KLHL29: variants seen among roughly 807,000 people sequenced by gnomAD.
KLHL29 encodes the protein kelch like family member 29.
In KLHL29, 21 loss-of-function variants were observed where a neutral mutation model predicts 80.4. The observed-to-expected ratio is 0.26, with a 90% CI of 0.19 to 0.38. KLHL29 has a LOEUF of 0.38. KLHL29 is among the 10% of genes least tolerant of loss of function. The probability of loss-of-function intolerance (pLI) is 1.00; values close to 1 mark genes in which losing one functional copy is unlikely to be tolerated. For synonymous variants in KLHL29, 511 were observed against 526.8 expected (o/e 0.97, Z 0.41); for missense variants, 867 against 1,223.9 (o/e 0.71, Z 4.35).
At chr2:23,409,616 C>G (rs921279237) in intron 1 of KLHL29, among the ~76,000 whole-genome samples, 3 of 152,248 alleles carry the variant, frequency 2.0e-5, no homozygotes, top group Non-Finnish European at 4.4e-5. Context: ...TAAGGCAGTG[C>G]GTCTTCCCTC....
intron 3 of KLHL29, among the ~76,000 whole-genome samples, chr2:23,638,407 A>G (rs1337189599): frequency 6.7e-6 from 1 of 150,156 alleles, no homozygotes; most frequent in South Asian, 2.1e-4. Flanking sequence ...TTTCACTCTG[A>G]GGTTTATTTT....
chr2:23,548,076 G>A (rs201923703), intron 2 of KLHL29, among the ~76,000 whole-genome samples: 5 of 116 alleles, frequency 0.043, no homozygotes, highest in African/African-American at 0.11. Context: ...ATGTCAAGCC[G>A]AGGCAGGGCC....
chr2:23,705,046 A>G (rs1024959138), intron 13 of KLHL29, among the ~76,000 whole-genome samples: 17 of 152,224 alleles, frequency 1.1e-4, no homozygotes, highest in Middle Eastern at 6.3e-3. Flanking sequence ...TGTTGGACTG[A>G]GATTTCACAA....
chr2:23,599,565 CAT>C (rs1265644122), intron 3 of KLHL29, among the ~76,000 whole-genome samples: 1 of 151,006 alleles, frequency 6.6e-6, no homozygotes, highest in Non-Finnish European at 1.5e-5. Context: ...CCTTATATGA[CAT>C]GTAAATATTT....
chr2:23,489,889 G>A (rs1665045587), intron 2 of KLHL29, among the ~76,000 whole-genome samples: 1 of 152,148 alleles, frequency 6.6e-6, no homozygotes, highest in Non-Finnish European at 1.5e-5. Flanking sequence ...TGGGGAAAGA[G>A]GAAGTCCTCT....
rs146830507 is a variant in KLHL29 at position 23,478,867 on chromosome 2, G to A, written c.-46+3200G>A. Among the ~76,000 whole-genome samples the A allele has an allele frequency of 4.9e-4, 74 of 152,118 alleles. No individual in the cohort carries two copies. In the East Asian group the frequency reaches 0.012, roughly 24 times the overall value. The stretch of plus-strand genomic sequence containing the variant: ...GGTTGCAAATGTCTCCAGAGCTAAC[G>A]GCAGTTAGAGAACACCATGGGCCAT... On this transcript the variant is annotated intron_variant, in intron 2 of 13. Coordinates refer to ENST00000486442, the MANE Select transcript of KLHL29 (RefSeq NM_052920.2).
chr2:23,633,116 GCT>G (rs1347031855), intron 3 of KLHL29, among the ~76,000 whole-genome samples: 4 of 152,200 alleles, frequency 2.6e-5, no homozygotes, highest in Non-Finnish European at 5.9e-5. Context: ...CCCCAAATGG[GCT>G]GGGTGTTGTG....
chr2:23,430,982 C>T (rs1663159690), intron 1 of KLHL29, among the ~76,000 whole-genome samples: 1 of 152,186 alleles, frequency 6.6e-6, no homozygotes, highest in South Asian at 2.1e-4. Flanking sequence ...CCCAGATATC[C>T]CTACACTGAA....
At chr2:23,421,327 T>C (rs1010995013) in intron 1 of KLHL29, among the ~76,000 whole-genome samples, 1 of 152,184 alleles carries the variant, frequency 6.6e-6, no homozygotes, top group Non-Finnish European at 1.5e-5. Flanking sequence ...GATCACATGG[T>C]CAGGGCAGAG....
intron 3 of KLHL29, among the ~76,000 whole-genome samples, chr2:23,623,787 C>T (rs1309938299): frequency 6.6e-6 from 1 of 152,194 alleles, no homozygotes; most frequent in Admixed American, 6.5e-5. Flanking sequence ...ATGTGAATGT[C>T]ATCCCGGGAG....
chr2:23,642,360 G>A lies in KLHL29; in HGVS notation c.450G>A (p.Thr150=), dbSNP rs559907813. ...CAGGCACAGGGCCATGGGTGACCAC[G>A]GTGGCCGCCGGGAACCAGCCCACCC... ...DNPGTGPWVT[T]VAAGNQPTLI... is the part of the protein sequence containing the mutation. Residue 150 remains threonine, a synonymous_variant, in exon 5 of 14, where the codon ACG becomes ACA. Coordinates refer to ENST00000486442, the MANE Select transcript of KLHL29 (RefSeq NM_052920.2). The A allele has an allele frequency of 1.8e-5, 26 of 1,432,974 alleles. No homozygotes were observed. Among genetic ancestry groups the A allele is most frequent in the African/African-American group, 1.6e-4 (11 of 69,584 alleles). The allele number at this position is 1,432,974 out of a possible 1,614,324, so 88.8% of individuals were successfully genotyped here.
chr2:23,621,549 G>A (rs1669183474), intron 3 of KLHL29, among the ~76,000 whole-genome samples: 1 of 151,894 alleles, frequency 6.6e-6, no homozygotes, highest in African/African-American at 2.4e-5. Context: ...GAGGAGATGA[G>A]GGGGAGGGGA....
chr2:23,637,858 G>T (rs1669658818), intron 3 of KLHL29, among the ~76,000 whole-genome samples: 1 of 151,938 alleles, frequency 6.6e-6, no homozygotes, highest in African/African-American at 2.4e-5. Flanking sequence ...GCCTGCAGAT[G>T]CCCCGGAGGC....
chr2:23,666,178 A>T (rs1204166236), intron 5 of KLHL29, among the ~76,000 whole-genome samples: 5 of 152,246 alleles, frequency 3.3e-5, no homozygotes, highest in African/African-American at 1.2e-4. Context: ...CAGGGGGCTC[A>T]TATTTGAGCT....
chr2:23,685,681 T>G (rs1435660542), intron 6 of KLHL29, among the ~76,000 whole-genome samples: 2 of 152,168 alleles, frequency 1.3e-5, no homozygotes, highest in Non-Finnish European at 2.9e-5. Context: ...TCCCATCTCA[T>G]GGACACCTCA....
chr2:23,441,406 C>T (rs930662376), intron 1 of KLHL29, among the ~76,000 whole-genome samples: 7 of 151,430 alleles, frequency 4.6e-5, no homozygotes, highest in Admixed American at 3.3e-4. Flanking sequence ...GTGCAGCACA[C>T]CAGCATGGCA....
At chr2:23,397,030 C>T (rs1436670415) in intron 1 of KLHL29, among the ~76,000 whole-genome samples, 2 of 152,118 alleles carry the variant, frequency 1.3e-5, no homozygotes, top group Non-Finnish European at 2.9e-5. Context: ...ACAAGGTCTG[C>T]TCTAGTGGCC....
At chr2:23,666,628 T>C (rs1410182946) in intron 5 of KLHL29, among the ~76,000 whole-genome samples, 3 of 152,214 alleles carry the variant, frequency 2.0e-5, no homozygotes, top group South Asian at 2.1e-4. Flanking sequence ...GGAGAGTCCA[T>C]TGAGGAAATG....
At chr2:23,597,307 ATATG>A (rs1668435613) in intron 3 of KLHL29, among the ~76,000 whole-genome samples, 87 of 106,608 alleles carry the variant, frequency 8.2e-4, no homozygotes, top group African/African-American at 1.6e-3. Context: ...ATATATATAT[ATATG>A]TGTGTGTGTG....
Sources: allele counts gnomAD v4.1 joint callset (sites outside exome capture counted in the v4.1 genomes callset), GRCh38; gene constraint gnomAD v4.1.1; transcripts MANE v1.5; gene names NCBI Gene and HGNC (gene_info 2026-07-23, HGNC 2026-07-21).